Variants in KCNH5 observed in about 807,000 individuals in gnomAD.
KCNH5 encodes the protein potassium voltage-gated channel subfamily H member 5.
In KCNH5, 46 loss-of-function variants were observed where a neutral mutation model predicts 96.1. The ratio of observed to expected loss-of-function variants is 0.48; its 90% CI spans 0.38 to 0.61. The LOEUF is 0.61. Among genes scored for constraint, KCNH5 ranks in the 20% least tolerant of loss-of-function variants. KCNH5 has a pLI of 0.00. For synonymous variants in KCNH5, 439 were observed against 449.8 expected (o/e 0.98, Z 0.30); for missense variants, 907 against 1,225.8 (o/e 0.74, Z 3.88).
chr14:62,995,899 T>C (rs1298674679), intron 4 of KCNH5, among the ~76,000 whole-genome samples: 1 of 151,700 alleles, frequency 6.6e-6, no homozygotes, highest in Admixed American at 6.6e-5. Context: ...AATTTTTGGT[T>C]GGGAAAAAAA....
intron 6 of KCNH5, among the ~76,000 whole-genome samples, chr14:62,956,145 A>G (rs1159528977): frequency 6.6e-6 from 1 of 152,164 alleles, no homozygotes; most frequent in Non-Finnish European, 1.5e-5. Flanking sequence ...ATCTCTGTCT[A>G]TGCTGCCAGG....
chr14:63,001,526 C>T (rs1891011541), intron 3 of KCNH5, 67 bp from the exon 4 acceptor site: 1 of 1,457,648 alleles, frequency 6.9e-7, no homozygotes. Flanking sequence ...GGTTTGGTCT[C>T]CTGGCTTCCT....
intron 7 of KCNH5, among the ~76,000 whole-genome samples, chr14:62,872,541 A>C (rs762586376): frequency 1.3e-5 from 2 of 152,042 alleles, no homozygotes; most frequent in African/African-American, 2.4e-5. Flanking sequence ...AGACCAAAAA[A>C]AATTAGCTGG....
intron 4 of KCNH5, among the ~76,000 whole-genome samples, chr14:62,987,775 T>C (rs1415904177): frequency 6.6e-6 from 1 of 152,190 alleles, no homozygotes; most frequent in African/African-American, 2.4e-5. Flanking sequence ...GCAAGAAATG[T>C]GCTTCTATTG....
At chr14:63,030,337 C>G (rs1031742601) in intron 1 of KCNH5, among the ~76,000 whole-genome samples, 1 of 152,170 alleles carries the variant, frequency 6.6e-6, no homozygotes, top group African/African-American at 2.4e-5. Context: ...TTTCACAAGT[C>G]AGCAGATTCT....
At chr14:62,729,235 G>C (rs1884999948) in intron 10 of KCNH5, among the ~76,000 whole-genome samples, 1 of 152,046 alleles carries the variant, frequency 6.6e-6, no homozygotes, top group Admixed American at 6.6e-5. Context: ...AACAGCTATA[G>C]CTTGATTAAT....
chr14:62,855,800 A>C (rs1225859923), intron 7 of KCNH5, among the ~76,000 whole-genome samples: 1 of 152,258 alleles, frequency 6.6e-6, no homozygotes, highest in Non-Finnish European at 1.5e-5. Context: ...GACAGGTCAG[A>C]AGATTGAACA....
chr14:62,704,776 A>T lies in KCNH5; in HGVS notation c.*2732T>A, dbSNP rs1336085924. ...TAAAACATGCAGTTATCTGGTCCTC[A>T]AAAGAGCATCTACTGTCTATGTGCT... On this transcript the variant is annotated 3_prime_UTR_variant, in exon 11 of 11. Coordinates refer to ENST00000322893, the MANE Select transcript of KCNH5 (RefSeq NM_139318.5). 1 of 151,988 alleles carries T rather than the reference A, an allele frequency of 6.6e-6. No individual in the cohort carries two copies. The highest frequency in any genetic ancestry group is 6.6e-5 in the Admixed American group (1 of 15,254). The allele number at this position is 151,988 out of a possible 1,614,324, so 9.4% of individuals were successfully genotyped here.
chr14:63,043,039 T>C (rs1891855463), intron 1 of KCNH5, among the ~76,000 whole-genome samples: 1 of 152,154 alleles, frequency 6.6e-6, no homozygotes, highest in Non-Finnish European at 1.5e-5. Context: ...GAAACGATTA[T>C]GAACATGAAG....
At chr14:62,951,829 G>A (rs1890011351) in intron 6 of KCNH5, among the ~76,000 whole-genome samples, 1 of 152,042 alleles carries the variant, frequency 6.6e-6, no homozygotes, top group African/African-American at 2.4e-5. Flanking sequence ...CGGGCATGGT[G>A]GTGGGTGCCT....
intron 10 of KCNH5, among the ~76,000 whole-genome samples, chr14:62,718,293 T>G (rs945804052): frequency 6.6e-5 from 10 of 151,898 alleles, no homozygotes; most frequent in Admixed American, 5.3e-4. Flanking sequence ...GAATTTAAAA[T>G]ATAATAATAA....
intron 7 of KCNH5, among the ~76,000 whole-genome samples, chr14:62,909,890 T>C (rs759763894): frequency 9.2e-5 from 14 of 152,094 alleles, no homozygotes; most frequent in Non-Finnish European, 1.8e-4. Flanking sequence ...ATTGTACTTA[T>C]CTCTTCTAAC....
chr14:62,968,131 A>T (rs1890337218), intron 6 of KCNH5, among the ~76,000 whole-genome samples: 1 of 152,202 alleles, frequency 6.6e-6, no homozygotes, highest in Non-Finnish European at 1.5e-5. Flanking sequence ...GTATTACCCA[A>T]CCATGATAAC....
intron 7 of KCNH5, among the ~76,000 whole-genome samples, chr14:62,890,973 C>T (rs1252034978): frequency 6.6e-6 from 1 of 152,048 alleles, no homozygotes; most frequent in Non-Finnish European, 1.5e-5. Flanking sequence ...TGAATTAGTT[C>T]AACTATTGTG....
intron 7 of KCNH5, among the ~76,000 whole-genome samples, chr14:62,899,899 G>A (rs1367382268): frequency 6.6e-6 from 1 of 151,908 alleles, no homozygotes; most frequent in Non-Finnish European, 1.5e-5. Flanking sequence ...GTGTCTAAAT[G>A]TCTAACCTAA....
chr14:62,735,925 A>G (rs1355538174), intron 10 of KCNH5, among the ~76,000 whole-genome samples: 1 of 152,258 alleles, frequency 6.6e-6, no homozygotes, highest in Non-Finnish European at 1.5e-5. Flanking sequence ...TGATCCCTCT[A>G]CCAGCCCAGG....
At chr14:63,003,540 ATTATATATAG>A (rs1891059946) in intron 3 of KCNH5, among the ~76,000 whole-genome samples, 66 of 108,838 alleles carry the variant, frequency 6.1e-4, no homozygotes, top group Non-Finnish European at 8.3e-4. Flanking sequence ...TATATTATAT[ATTATATATAG>A]TATATATTAT....
chr14:62,806,344 T>C (rs1241725289), intron 8 of KCNH5, among the ~76,000 whole-genome samples: 1 of 152,144 alleles, frequency 6.6e-6, no homozygotes, highest in Non-Finnish European at 1.5e-5. Flanking sequence ...ACTGTGGACT[T>C]GACCTGAATT....
chr14:62,940,562 G>A (rs1034390638), intron 7 of KCNH5, among the ~76,000 whole-genome samples: 3 of 152,104 alleles, frequency 2.0e-5, no homozygotes, highest in African/African-American at 7.2e-5. Context: ...TTGACATCTT[G>A]GTTCTTTCAT....
Sources: gnomAD v4.1 joint callset for allele counts (sites outside exome capture counted in the v4.1 genomes callset) on GRCh38, gnomAD v4.1.1 for gene constraint, MANE v1.5 for transcripts, NCBI Gene and HGNC (gene_info 2026-07-23, HGNC 2026-07-21) for gene names.